Variants in DIP2C observed in about 807,000 individuals in gnomAD.
DIP2C encodes the protein disco-interacting protein 2 homolog C.
In DIP2C, 33 loss-of-function variants were observed where a neutral mutation model predicts 192.4. The observed-to-expected ratio is 0.17, with a 90% CI of 0.13 to 0.23. The LOEUF (loss-of-function observed/expected upper bound fraction) is 0.23. Among genes scored for constraint, DIP2C ranks in the 10% least tolerant of loss-of-function variants. The pLI is 1.00. For synonymous variants in DIP2C, 979 were observed against 864.1 expected (o/e 1.13, Z -2.33); for missense variants, 1,537 against 2,110.1 (o/e 0.73, Z 5.32).
At chr10:536,295 T>C (rs1847688382) in intron 1 of DIP2C, among the ~76,000 whole-genome samples, 1 of 152,250 alleles carries the variant, frequency 6.6e-6, no homozygotes, top group African/African-American at 2.4e-5. Flanking sequence ...CATTGGGACG[T>C]AGGACCCACC....
At chr10:671,745 C>A (rs1374614234) in intron 1 of DIP2C, among the ~76,000 whole-genome samples, 2 of 109,190 alleles carry the variant, frequency 1.8e-5, no homozygotes, top group South Asian at 3.5e-4. Context: ...ACGGAGGAAA[C>A]GTCACAGACG....
chr10:369,714 G>A, intron 17 of DIP2C, 81 bp from the exon 18 acceptor site: 1 of 1,605,906 alleles, frequency 6.2e-7, no homozygotes, highest in Non-Finnish European at 8.5e-7. Context: ...CACACATGCG[G>A]CAGGCTGGGC....
intron 10 of DIP2C, 85 bp downstream of exon 10, chr10:399,024 G>A (rs567238845): frequency 2.5e-5 from 30 of 1,185,944 alleles, no homozygotes; most frequent in Non-Finnish European, 3.2e-5. Context: ...CAGAAACAGC[G>A]AGGAGACCCT....
intron 4 of DIP2C, among the ~76,000 whole-genome samples, chr10:434,948 T>C (rs1441921027): frequency 6.6e-6 from 1 of 152,140 alleles, no homozygotes; most frequent in Non-Finnish European, 1.5e-5. Context: ...CCAAGTATAG[T>C]TTATTTTTGT....
chr10:416,978 T>C (rs956136270), intron 6 of DIP2C, among the ~76,000 whole-genome samples: 1 of 152,252 alleles, frequency 6.6e-6, no homozygotes, highest in African/African-American at 2.4e-5. Flanking sequence ...AAATTTTTTC[T>C]ATCAAGATTT....
rs1192065102 is a variant in DIP2C at position 369,533 on chromosome 10, C to T, written c.2092G>A (p.Val698Met). The T allele has an allele frequency of 4.4e-5, 69 of 1,579,540 alleles. No individual in the cohort carries two copies. Among genetic ancestry groups the T allele is most frequent in the Non-Finnish European group, 5.4e-5 (63 of 1,160,062 alleles). The change falls in exon 18 of 37, where the codon GTG becomes ATG. Residue 698 changes from valine to methionine, a missense_variant. By Grantham distance (21) the Val-to-Met change is conservative (BLOSUM62 1). Around this residue, in one of 4 missense-constraint regions of DIP2C, gnomAD observed 677 missense variants for 989.9 expected, o/e 0.68. Transcript: ENST00000280886. ...AGGCCGACATCCTGCACGGTGAGCACGGACAGCTTCTCTTCCGAGTCCACA... is the reference window on the plus strand; with the variant it reads ...AGGCCGACATCCTGCACGGTGAGCATGGACAGCTTCTCTTCCGAGTCCACA... Reference protein sequence around the residue: ...IRVDSEEKLSVLTVQDVGLVM... With the variant: ...IRVDSEEKLSMLTVQDVGLVM...
At chr10:345,243 C>A in intron 26 of DIP2C, 133 bp from the exon 27 acceptor site, 1 of 886,958 alleles carries the variant, frequency 1.1e-6, no homozygotes. Context: ...TTACCGAGCC[C>A]TCCTGCTGGC....
rs901839697 is a variant in DIP2C, at chr10:422,857, T to G, written c.571A>C (p.Arg191=). ...GTCTGAGCCATGACGTCCGCCAGCC[T>G]GTGGGCAGCCCCGCTGCCCCCGCTC... ...TQSGGSGAAH[R]LADVMAQTHI... Residue 191 remains arginine (R), a synonymous_variant, in exon 5 of 37, where the codon AGG becomes CGG. Coordinates refer to ENST00000280886, the MANE Select transcript of DIP2C (RefSeq NM_014974.3). 6.2e-7 allele frequency: 1 copy of G among 1,612,840 alleles called. No individual in the cohort carries two copies.
At chr10:543,860 C>CT (rs1434627557) in intron 1 of DIP2C, among the ~76,000 whole-genome samples, 1 of 152,098 alleles carries the variant, frequency 6.6e-6, no homozygotes, top group Non-Finnish European at 1.5e-5. Flanking sequence ...AATTCTGGGA[C>CT]TTTTTCACCA....
At chr10:537,334 G>A (rs1022651689) in intron 1 of DIP2C, among the ~76,000 whole-genome samples, 9 of 152,166 alleles carry the variant, frequency 5.9e-5, no homozygotes, top group African/African-American at 2.2e-4. Flanking sequence ...CAGAGCAAGT[G>A]CACTCTCTCC....
chr10:650,132 A>G lies in DIP2C; in HGVS notation c.85+39362T>C, dbSNP rs1299203538. 5.6e-6 allele frequency: 4 copies of G among 717,276 alleles called. No individual in the cohort carries two copies. The African/African-American group carries it at 7.0e-5, about 13-fold the overall frequency. 44.4% of individuals were successfully genotyped at this position (717,276 alleles called of 1,614,324 possible). A position where few individuals can be genotyped will look rare whatever the true frequency, so the allele number is the denominator to read the frequency against. ...GCCCATGGAGTCCTCCCGTTGGGAC[A>G]AGGACCCCCCAGGAGAGAGAAGACC... is the stretch of plus-strand genomic sequence containing the variant. On this transcript the variant is annotated intron_variant, in intron 1 of 36. Transcript: ENST00000280886.
chr10:566,226 G>A (rs892191772), intron 1 of DIP2C, among the ~76,000 whole-genome samples: 3 of 152,046 alleles, frequency 2.0e-5, no homozygotes, highest in African/African-American at 7.2e-5. Flanking sequence ...AAGAGTGTCT[G>A]AAGAAACAAT....
chr10:382,847 G>A, intron 16 of DIP2C, 86 bp from the exon 17 acceptor site: 2 of 930,876 alleles, frequency 2.1e-6, no homozygotes, highest in Non-Finnish European at 3.2e-6. Context: ...TTCCGAAGGT[G>A]GGATTCAGGC....
intron 4 of DIP2C, among the ~76,000 whole-genome samples, chr10:435,674 G>A (rs889926514): frequency 1.3e-5 from 2 of 152,164 alleles, no homozygotes; most frequent in Non-Finnish European, 2.9e-5. Context: ...TTTTCAGTTT[G>A]CTCAGCTTTT....
intron 9 of DIP2C, among the ~76,000 whole-genome samples, chr10:406,991 A>G (rs1231530169): frequency 1.3e-5 from 2 of 151,962 alleles, no homozygotes; most frequent in Admixed American, 1.3e-4. Context: ...AACCTGACCA[A>G]TCAGCACTCC....
At chr10:455,324 G>GTGGCCCATGAGGAGTAAATGAGATGAAA in intron 3 of DIP2C, among the ~76,000 whole-genome samples, 1 of 141,878 alleles carries the variant, frequency 7.0e-6, no homozygotes, top group Non-Finnish European at 1.6e-5. Context: ...TGCCTGAGGG[G>GTGGCCCATGAGGAGTAAATGAGATGAAA]AGACCGTGAG....
intron 1 of DIP2C, among the ~76,000 whole-genome samples, chr10:530,075 G>A (rs1847277031): frequency 6.6e-6 from 1 of 152,244 alleles, no homozygotes; most frequent in South Asian, 2.1e-4. Flanking sequence ...ACGATGCCGA[G>A]TCTCCACGCC....
chr10:507,115 G>A (rs1189764678), intron 1 of DIP2C, among the ~76,000 whole-genome samples: 1 of 152,116 alleles, frequency 6.6e-6, no homozygotes. Flanking sequence ...AGGTATGCGA[G>A]GTTAGGGACC....
chr10:664,555 C>T (rs182603273), intron 1 of DIP2C: 19 of 152,240 alleles, frequency 1.2e-4, no homozygotes, highest in Non-Finnish European at 2.1e-4. Context: ...GTTATACACT[C>T]GACACATTAA....
Sources: gnomAD v4.1 joint callset for allele counts (sites outside exome capture counted in the v4.1 genomes callset) on GRCh38, gnomAD v4.1.1 for gene constraint, gnomAD v4.1.1 regional missense constraint, MANE v1.5 for transcripts, NCBI Gene and HGNC (gene_info 2026-07-23, HGNC 2026-07-21) for gene names.